Variants in TOGARAM1 observed in about 807,000 individuals in gnomAD.
TOGARAM1 encodes the protein TOG array regulator of axonemal microtubules 1.
In TOGARAM1, 100 loss-of-function variants were observed where a neutral mutation model predicts 166.6. The ratio of observed to expected loss-of-function variants is 0.60; its 90% CI spans 0.51 to 0.71. TOGARAM1 has a LOEUF of 0.71. TOGARAM1 is among the 30% of genes least tolerant of loss of function. TOGARAM1 has a pLI of 0.00. For missense variants in TOGARAM1, 2,029 were observed against 2,102.7 expected (o/e 0.96, Z 0.69); for synonymous variants, 758 against 763.8 (o/e 0.99, Z 0.13).
At position 45,066,617 on chromosome 14, in the gene TOGARAM1, C is replaced by A; in HGVS notation, c.4599C>A (p.Val1533=). The change falls in exon 17 of 20, where the codon GTC becomes GTA. Residue 1533 remains valine (V), a synonymous_variant. Coordinates refer to ENST00000361462, the MANE Select transcript of TOGARAM1 (RefSeq NM_001308120.2). ...TTCGTGAAGTCACCAGAAAATCAGT[C>A]CCTCGTAATTCCTTAGAAAGTGCTG... The part of the protein sequence containing the change: ...TEVREVTRKS[V]PRNSLESAEY... 1 of 1,610,464 alleles carries A rather than the reference C, an allele frequency of 6.2e-7. No homozygotes were observed.
chr14:44,987,543 A>T (rs1886895178), intron 1 of TOGARAM1, among the ~76,000 whole-genome samples: 1 of 152,050 alleles, frequency 6.6e-6, no homozygotes. Flanking sequence ...TGCAAATCAA[A>T]ACCACAATGA....
chr14:45,016,081 G>A (rs1001840867), intron 7 of TOGARAM1, among the ~76,000 whole-genome samples: 1 of 151,790 alleles, frequency 6.6e-6, no homozygotes, highest in African/African-American at 2.4e-5. Context: ...TTAGTGTAAA[G>A]TTAAAGGTGT....
chr14:44,965,355 A>G (rs1885472139), intron 1 of TOGARAM1, among the ~76,000 whole-genome samples: 1 of 152,208 alleles, frequency 6.6e-6, no homozygotes, highest in African/African-American at 2.4e-5. Flanking sequence ...TTTTACTTTT[A>G]TCATCCAGGA....
At chr14:45,028,061 C>A in intron 9 of TOGARAM1, 115 bp from the exon 10 acceptor site, 1 of 768,192 alleles carries the variant, frequency 1.3e-6, no homozygotes, top group Non-Finnish European at 2.1e-6. Flanking sequence ...TTTTCTAGGA[C>A]ACACTTAAGT....
intron 13 of TOGARAM1, among the ~76,000 whole-genome samples, chr14:45,045,734 TATACAC>T (rs555175819): frequency 3.4e-4 from 46 of 135,396 alleles, no homozygotes; most frequent in African/African-American, 1.1e-3. Context: ...TACACATATA[TATACAC>T]ATATGTATAT....
chr14:45,028,421 G>A (rs1880984819), intron 10 of TOGARAM1, 92 bp downstream of exon 10: 1 of 1,316,194 alleles, frequency 7.6e-7, no homozygotes, highest in Non-Finnish European at 1.1e-6. Flanking sequence ...ATATGACTAA[G>A]AATGAAATAT....
chr14:44,972,920 A>T (rs1885967690), intron 1 of TOGARAM1, among the ~76,000 whole-genome samples: 1 of 152,112 alleles, frequency 6.6e-6, no homozygotes, highest in Non-Finnish European at 1.5e-5. Context: ...GTTGATGAGG[A>T]AAAAAATTGG....
chr14:44,963,818 T>C lies in TOGARAM1; in HGVS notation c.1397T>C (p.Val466Ala). 6.2e-7 allele frequency: 1 copy of C among 1,614,134 alleles called. No individual in the cohort carries two copies. ...MKIFLKLMKE[V>A]GPQQVLCLLL... The stretch of plus-strand genomic sequence containing the variant: ...ATCTTCCTCAAGCTAATGAAGGAAG[T>C]AGGACCTCAGCAGGTGCTTTGTTTA... Residue 466 changes from valine (V) to alanine (A), a missense_variant, in exon 1 of 20, where the codon GTA becomes GCA. Physicochemically the swap from Val to Ala is moderately conservative, Grantham distance 64. This residue lies in a region of TOGARAM1 where 1,453 missense variants were observed against 1,432.2 expected (regional missense o/e 1.01). Coordinates refer to ENST00000361462, the MANE Select transcript of TOGARAM1 (RefSeq NM_001308120.2).
chr14:45,064,687 C>G (rs1883057943), intron 16 of TOGARAM1, among the ~76,000 whole-genome samples: 1 of 152,130 alleles, frequency 6.6e-6, no homozygotes, highest in Admixed American at 6.6e-5. Context: ...CAATTTGTTG[C>G]CCAGGTTGGA....
At chr14:44,982,311 A>G (rs1161847359) in intron 1 of TOGARAM1, among the ~76,000 whole-genome samples, 10 of 152,162 alleles carry the variant, frequency 6.6e-5, no homozygotes, top group African/African-American at 2.4e-4. Context: ...GTGCTCTGAC[A>G]TATTACAGAT....
rs765924982 is a variant in TOGARAM1 at position 45,032,367 on chromosome 14, A to C, written c.3803A>C (p.Asp1268Ala). ...ACAGAAGCCCTGAGGCTTTTGGCTG[A>C]TGAGGATTGGTAAGTTCACCATCCT... Reference protein sequence around the residue: ...ALTEALRLLADEDWEKKIEGL... With the variant: ...ALTEALRLLAAEDWEKKIEGL... Residue 1268 changes from aspartate (D) to alanine (A), a missense_variant, in exon 11 of 20, where the codon GAT becomes GCT. By Grantham distance (126) the Asp-to-Ala change is moderately radical. Coordinates refer to ENST00000361462, the MANE Select transcript of TOGARAM1 (RefSeq NM_001308120.2). 5.0e-6 allele frequency: 8 copies of C among 1,613,644 alleles called. No individual in the cohort carries two copies. In the South Asian group the frequency reaches 7.7e-5, roughly 16 times the overall value.
At chr14:45,004,982 G>A (rs1887881219) in intron 4 of TOGARAM1, among the ~76,000 whole-genome samples, 1 of 151,834 alleles carries the variant, frequency 6.6e-6, no homozygotes, top group South Asian at 2.1e-4. Context: ...GAGTGCAATG[G>A]TGCGATCTTG....
rs1883146941 is a variant in TOGARAM1, at chr14:45,066,587, T to C, written c.4569T>C (p.Thr1523=). 1.2e-6 allele frequency: 2 copies of C among 1,605,280 alleles called. No homozygotes were observed. The highest frequency in any genetic ancestry group is 1.3e-5 in the African/African-American group (1 of 74,762). ...CTTTCTTTCACTTTAGAGCTGTAAC[T>C]GAAGTTCGTGAAGTCACCAGAAAAT... The part of the protein sequence containing the change: ...DAFNSAERAV[T]EVREVTRKSV... Residue 1523 remains threonine, a synonymous_variant, in exon 17 of 20, where the codon ACT becomes ACC. Coordinates refer to ENST00000361462, the MANE Select transcript of TOGARAM1 (RefSeq NM_001308120.2).
At chr14:44,984,615 A>G (rs1314864953) in intron 1 of TOGARAM1, among the ~76,000 whole-genome samples, 1 of 151,388 alleles carries the variant, frequency 6.6e-6, no homozygotes, top group African/African-American at 2.4e-5. Context: ...AAAAAAAAAA[A>G]TGCAAATAAA....
chr14:45,012,074 A>G lies in TOGARAM1; in HGVS notation c.3237A>G (p.Ala1079=). The part of the protein sequence containing the change: ...ISHIAEQSPS[A]GSSSNPQQIS... ...ATATTGCTGAACAAAGCCCCAGTGC[A>G]GGTATTCTATGTCTGTTTATAAAAA... The change falls in exon 7 of 20, where the codon GCA becomes GCG. Residue 1079 remains alanine (A), a splice_region_variant and synonymous_variant. Transcript: ENST00000361462. 3 of 1,560,342 alleles carry G rather than the reference A, an allele frequency of 1.9e-6. No individual in the cohort carries two copies. The highest frequency in any genetic ancestry group is 1.7e-6 in the Non-Finnish European group (2 of 1,148,690).
At chr14:44,966,117 G>C (rs547650512) in intron 1 of TOGARAM1, among the ~76,000 whole-genome samples, 1 of 150,456 alleles carries the variant, frequency 6.6e-6, no homozygotes. Context: ...CACCCGCCTC[G>C]GCATCCCAAA....
At chr14:44,979,157 A>G (rs1886389811) in intron 1 of TOGARAM1, among the ~76,000 whole-genome samples, 1 of 151,528 alleles carries the variant, frequency 6.6e-6, no homozygotes, top group Non-Finnish European at 1.5e-5. Flanking sequence ...TAATTTGCTT[A>G]CCTATAAGTC....
chr14:45,041,757 C>CT (rs1031971351), intron 11 of TOGARAM1, among the ~76,000 whole-genome samples: 3 of 152,068 alleles, frequency 2.0e-5, no homozygotes, highest in South Asian at 2.1e-4. Context: ...TCAGGGTTGA[C>CT]TTTTTTTTGT....
At chr14:44,986,697 G>T (rs1886819310) in intron 1 of TOGARAM1, among the ~76,000 whole-genome samples, 1 of 150,772 alleles carries the variant, frequency 6.6e-6, no homozygotes, top group South Asian at 2.2e-4. Flanking sequence ...AGTGACTGAG[G>T]TATTTAAACT....
Sources: gnomAD v4.1 joint callset for allele counts (sites outside exome capture counted in the v4.1 genomes callset) on GRCh38, gnomAD v4.1.1 for gene constraint, gnomAD v4.1.1 regional missense constraint, MANE v1.5 for transcripts, NCBI Gene and HGNC (gene_info 2026-07-23, HGNC 2026-07-21) for gene names.